The following GALNS variants were observed in gnomAD, a reference collection of about 807,000 sequenced individuals.
GALNS encodes N-acetylgalactosamine-6-sulfatase.
A neutral mutation model predicts 65.9 loss-of-function variants in GALNS; 65 were observed. The ratio of observed to expected loss-of-function variants is 0.99; its 90% confidence interval spans 0.81 to 1.21. GALNS has a LOEUF of 1.21. GALNS is among the 50% of genes most tolerant of loss of function. GALNS has a pLI of 0.00. For synonymous variants in GALNS, 346 were observed against 288.9 expected (o/e 1.20, Z -2.00); for missense variants, 776 against 700.7 (o/e 1.11, Z -1.21).
intron 9 of GALNS, among the ~76,000 whole-genome samples, chr16:88,830,559 G>GA (rs1427499500): frequency 6.6e-6 from 1 of 152,240 alleles, no homozygotes; most frequent in Non-Finnish European, 1.5e-5. Flanking sequence ...AAAAGACTAA[G>GA]AAACAGTGAA....
At chr16:88,850,182 A>C (rs1290147864) in intron 1 of GALNS, among the ~76,000 whole-genome samples, 1 of 152,174 alleles carries the variant, frequency 6.6e-6, no homozygotes, top group Admixed American at 6.5e-5. Flanking sequence ...GGGAGGGAGC[A>C]GTATGTTTCG....
intron 12 of GALNS, among the ~76,000 whole-genome samples, chr16:88,819,290 C>G (rs1162525730): frequency 6.6e-6 from 1 of 152,050 alleles, no homozygotes; most frequent in Non-Finnish European, 1.5e-5. Context: ...TTCAGGAGAG[C>G]TGGGGTCCTT....
chr16:88,818,259 C>G, intron 12 of GALNS, 135 bp from the exon 13 acceptor site: 3 of 772,226 alleles, frequency 3.9e-6, no homozygotes, highest in South Asian at 3.0e-5. Flanking sequence ...ACCATGTGCT[C>G]AAGCCTGCAG....
At position 88,842,704 on chromosome 16, in the gene GALNS, A is replaced by C; in HGVS notation, c.244+2T>G. ...CTGGGGGCGAGGGCCCCGCTGACTT[A>C]CATGGCGAGCACAGAGGGTTGGCAG... On this transcript the variant is annotated splice_donor_variant, in intron 2 of 13. Coordinates refer to ENST00000268695, the MANE Select transcript of GALNS (RefSeq NM_000512.5). LOFTEE classifies it high-confidence loss of function. The C allele has an allele frequency of 1.2e-6, 2 of 1,612,576 alleles. No individual in the cohort carries two copies. The highest frequency in any genetic ancestry group is 1.7e-6 in the Non-Finnish European group (2 of 1,179,656).
intron 1 of GALNS, among the ~76,000 whole-genome samples, chr16:88,848,824 G>T (rs560676946): frequency 1.3e-5 from 2 of 152,222 alleles, no homozygotes; most frequent in East Asian, 1.9e-4. Context: ...CCCGGGGACC[G>T]CGGGAGGACA....
intron 12 of GALNS, 94 bp downstream of exon 12, chr16:88,822,495 G>A (rs1425366210): frequency 2.6e-6 from 4 of 1,519,788 alleles, no homozygotes; most frequent in African/African-American, 2.7e-5. Context: ...GAGGCGGCGG[G>A]CAGGGTGCAG....
intron 13 of GALNS, chr16:88,816,651 A>C (rs1268368192): frequency 3.0e-6 from 3 of 984,824 alleles, no homozygotes; most frequent in African/African-American, 1.8e-5. Flanking sequence ...GGTGCTCCCG[A>C]TGGCCGGTGC....
At position 88,815,663 on chromosome 16, in the gene GALNS, A is replaced by G. The variant is rs568556359; in HGVS notation, c.1483-1138T>C. The G allele has an allele frequency of 1.3e-4, 130 of 985,442 alleles. No homozygotes were observed. In the African/African-American group the frequency reaches 2.0e-3, roughly 15 times the overall value. The allele number at this position is 985,442 out of a possible 1,614,324, so 61.0% of individuals were successfully genotyped here. A position where few individuals can be genotyped will look rare whatever the true frequency, so the allele number is the denominator to read the frequency against. Reference sequence around the variant, plus strand: ...TCAGACGCCGCATGGCCCTGAGGGCACTTTCCGGGGACAGACTTTGGATTC... The same window carrying G: ...TCAGACGCCGCATGGCCCTGAGGGCGCTTTCCGGGGACAGACTTTGGATTC... On this transcript the variant is annotated intron_variant, in intron 13 of 13. Coordinates refer to ENST00000268695, the MANE Select transcript of GALNS (RefSeq NM_000512.5).
intron 11 of GALNS, among the ~76,000 whole-genome samples, chr16:88,824,429 C>T (rs570269044): frequency 8.5e-5 from 13 of 152,226 alleles, no homozygotes; most frequent in Non-Finnish European, 8.8e-5. Flanking sequence ...ACGTCTCTGT[C>T]GCCTCCAGCC....
chr16:88,835,186 C>A, intron 8 of GALNS, 27 bp downstream of exon 8: 1 of 1,559,854 alleles, frequency 6.4e-7, no homozygotes, highest in South Asian at 1.2e-5. Flanking sequence ...TGTGGGGAAA[C>A]CGTGAGAAGT....
chr16:88,855,226 C>G lies in GALNS; in HGVS notation c.120+1532G>C, dbSNP rs34150867. 0.32 allele frequency: 222,914 copies of G among 697,094 alleles called. 38,612 individuals are homozygous for G. The highest frequency in any genetic ancestry group is 0.58 in the African/African-American group (33,313 of 57,228). 43.2% of individuals were successfully genotyped at this position (697,094 alleles called of 1,614,324 possible). The stretch of plus-strand genomic sequence containing the variant: ...ATTATTCATGAGCTGCCCCGCCTCA[C>G]CCCTCTGTCCTCTGAGAAAGTCAGG... On this transcript the variant is annotated intron_variant, in intron 1 of 13. Transcript: ENST00000268695.
intron 1 of GALNS, among the ~76,000 whole-genome samples, chr16:88,846,123 G>A (rs1466899249): frequency 6.6e-6 from 1 of 152,216 alleles, no homozygotes; most frequent in African/African-American, 2.4e-5. Flanking sequence ...ACAGAAATTT[G>A]GTTAAATAAA....
intron 10 of GALNS, among the ~76,000 whole-genome samples, chr16:88,825,555 TCCGGGACTGGGATTCCTGGGCAGCTGGGG>T (rs1205115224): frequency 2.5e-5 from 2 of 81,092 alleles, no homozygotes; most frequent in East Asian, 1.7e-3. Context: ...TGCCTGGGTG[TCCGGGACTGGGATTCCTGGGCAGCTGGGG>T]CTGGGGTGCC....
chr16:88,846,539 GA>G (rs1967254736), intron 1 of GALNS, among the ~76,000 whole-genome samples: 1 of 124,486 alleles, frequency 8.0e-6, no homozygotes, highest in Admixed American at 9.6e-5. Context: ...TTTTTGAGAC[GA>G]AGTCTTGCTG....
intron 1 of GALNS, chr16:88,855,450 A>C: frequency 1.4e-6 from 1 of 702,882 alleles, no homozygotes; most frequent in South Asian, 1.5e-5. Context: ...CACTCAGTGC[A>C]GAGAAAGGCC....
chr16:88,825,128 G>A (rs1400524333), intron 10 of GALNS, among the ~76,000 whole-genome samples: 192 of 148,530 alleles, frequency 1.3e-3, no homozygotes, highest in African/African-American at 4.6e-3. Flanking sequence ...TGGGGCTGGG[G>A]TGTCTGGGCG....
In GALNS at chr16:88,855,077, G is replaced by A. The variant is rs1597605401; in HGVS notation, c.120+1681C>T. On this transcript the variant is annotated intron_variant, in intron 1 of 13. Transcript: ENST00000268695. The stretch of plus-strand genomic sequence containing the variant: ...ATGGAAACGTAGGGTGAGTCCACAT[G>A]CAATTCCCTATTTACCGGGAGCCAC... 1.2e-5 allele frequency: 5 copies of A among 423,366 alleles called. No individual in the cohort carries two copies. The Admixed American group carries it at 1.4e-4, about 12-fold the overall frequency. 26.2% of individuals were successfully genotyped at this position (423,366 alleles called of 1,614,324 possible).
intron 1 of GALNS, among the ~76,000 whole-genome samples, chr16:88,851,168 A>G (rs1201375501): frequency 6.6e-6 from 1 of 152,106 alleles, no homozygotes; most frequent in Non-Finnish European, 1.5e-5. Flanking sequence ...TTGAACATCT[A>G]AAACCCCCAC....
rs112524330 is a variant in GALNS at position 88,815,022 on chromosome 16, C to T, written c.1483-497G>A. On this transcript the variant is annotated intron_variant, in intron 13 of 13. Coordinates refer to ENST00000268695, the MANE Select transcript of GALNS (RefSeq NM_000512.5). ...TGCTGGGATTATAGGCGTGAGCCAC[C>T]GCGCTTGGCCTCGAGCAGTTTTGAT... The T allele has an allele frequency of 3.7e-4, 363 of 985,320 alleles. 1 individual carries two copies. The African/African-American group carries it at 4.2e-3, about 11-fold the overall frequency. The allele number at this position is 985,320 out of a possible 1,614,324, so 61.0% of individuals were successfully genotyped here.
Sources: gnomAD v4.1 joint callset for allele counts (sites outside exome capture counted in the v4.1 genomes callset) on GRCh38, gnomAD v4.1.1 for gene constraint, MANE v1.5 for transcripts, NCBI Gene and HGNC (gene_info 2026-07-23, HGNC 2026-07-21) for gene names.